BMP6: variants seen among roughly 807,000 people sequenced by gnomAD.
BMP6 encodes VG-1-R.
BMP6 carries 17 observed loss-of-function variants against 54.1 expected under a neutral mutation model. The observed-to-expected ratio is 0.31, with a 90% CI of 0.22 to 0.47. The LOEUF is 0.47. Among genes scored for constraint, BMP6 ranks in the 20% least tolerant of loss-of-function variants. BMP6 has a pLI of 1.00. For synonymous variants in BMP6, 328 were observed against 291.2 expected, an observed-to-expected ratio of 1.13 and a Z score of -1.28; for missense variants, 720 against 690.4, an observed-to-expected ratio of 1.04 and a Z score of -0.48.
At chr6:7,844,716 G>A (rs1193822665) in intron 1 of BMP6, among the ~76,000 whole-genome samples, 3 of 152,102 alleles carry the variant, frequency 2.0e-5, no homozygotes, top group Non-Finnish European at 2.9e-5. Flanking sequence ...AAGAGTAGCC[G>A]GGAGGAGAGG....
At chr6:7,784,407 G>T (rs953679201) in intron 1 of BMP6, among the ~76,000 whole-genome samples, 1 of 147,894 alleles carries the variant, frequency 6.8e-6, no homozygotes, top group Non-Finnish European at 1.5e-5. Context: ...ATGGGTCTGT[G>T]TGTAGGCGTC....
chr6:7,858,842 A>G (rs997700464), intron 2 of BMP6, among the ~76,000 whole-genome samples: 4 of 150,414 alleles, frequency 2.7e-5, no homozygotes, highest in African/African-American at 4.9e-5. Flanking sequence ...CCTCGCTGCC[A>G]TAGGACCACA....
chr6:7,823,012 C>A (rs1758639888), intron 1 of BMP6, among the ~76,000 whole-genome samples: 1 of 151,460 alleles, frequency 6.6e-6, no homozygotes, highest in Non-Finnish European at 1.5e-5. Context: ...TATAGAATTA[C>A]ATATTACAGC....
intron 2 of BMP6, 105 bp from the exon 3 acceptor site, chr6:7,861,346 T>C (rs1441267747): frequency 1.4e-6 from 2 of 1,427,354 alleles, no homozygotes; most frequent in African/African-American, 1.4e-5. Flanking sequence ...CACAGGTAGA[T>C]GTGATCTGAC....
rs551131478 is a variant in BMP6, at chr6:7,731,838, A to T, written c.664+4219A>T. ...TGTAATATGCATTACATTTGAGAGT[A>T]GTAAAAACATTTAATTAAATATCTG... On this transcript the variant is annotated intron_variant, in intron 1 of 6. Coordinates refer to ENST00000283147, the MANE Select transcript of BMP6 (RefSeq NM_001718.6). Among the ~76,000 whole-genome samples, 18 of 152,364 alleles carry T rather than the reference A, an allele frequency of 1.2e-4. No individual in the cohort carries two copies. In the South Asian group the frequency reaches 3.7e-3, roughly 32 times the overall value.
intron 1 of BMP6, among the ~76,000 whole-genome samples, chr6:7,821,420 C>T (rs1392550225): frequency 6.6e-6 from 1 of 152,178 alleles, no homozygotes; most frequent in African/African-American, 2.4e-5. Flanking sequence ...CATGGTTGCT[C>T]ACACCTGTAA....
At chr6:7,747,594 A>G (rs1757366155) in intron 1 of BMP6, among the ~76,000 whole-genome samples, 1 of 152,188 alleles carries the variant, frequency 6.6e-6, no homozygotes, top group African/African-American at 2.4e-5. Context: ...TTCCCTCCAG[A>G]TAGGAGCACA....
At chr6:7,828,405 C>G (rs897646869) in intron 1 of BMP6, among the ~76,000 whole-genome samples, 1 of 152,146 alleles carries the variant, frequency 6.6e-6, no homozygotes, top group African/African-American at 2.4e-5. Context: ...GTTCGTGCAC[C>G]CTGCGGTGGT....
At chr6:7,775,756 C>G (rs562122657) in intron 1 of BMP6, among the ~76,000 whole-genome samples, 4 of 152,246 alleles carry the variant, frequency 2.6e-5, no homozygotes, top group Non-Finnish European at 5.9e-5. Context: ...CAGGTTAGTT[C>G]TTCTTGATTG....
At chr6:7,822,897 T>TTGTGTGTGTGTG (rs56161444) in intron 1 of BMP6, among the ~76,000 whole-genome samples, 44 of 121,348 alleles carry the variant, frequency 3.6e-4, no homozygotes, top group East Asian at 1.7e-3. Flanking sequence ...TTGGTGCTGG[T>TTGTGTGTGTGTG]TGTGTGTGTG....
chr6:7,838,072 C>T (rs1420098184), intron 1 of BMP6, among the ~76,000 whole-genome samples: 1 of 152,126 alleles, frequency 6.6e-6, no homozygotes, highest in Non-Finnish European at 1.5e-5. Flanking sequence ...CCCTTATCCA[C>T]GGTTTCCGTA....
At chr6:7,755,605 G>A (rs981014335) in intron 1 of BMP6, among the ~76,000 whole-genome samples, 2 of 151,946 alleles carry the variant, frequency 1.3e-5, no homozygotes, top group African/African-American at 2.4e-5. Flanking sequence ...AGTCTCTTAC[G>A]TATACCCACC....
At chr6:7,828,789 A>G (rs1248358175) in intron 1 of BMP6, among the ~76,000 whole-genome samples, 1 of 152,168 alleles carries the variant, frequency 6.6e-6, no homozygotes, top group Admixed American at 6.5e-5. Flanking sequence ...CTCACTGGCT[A>G]CCGTTTCGGT....
At chr6:7,816,161 T>A (rs538984714) in intron 1 of BMP6, among the ~76,000 whole-genome samples, 21 of 152,228 alleles carry the variant, frequency 1.4e-4, no homozygotes, top group Non-Finnish European at 2.4e-4. Flanking sequence ...GAGGCTTGTG[T>A]GTGTACTTAC....
chr6:7,833,532 A>T (rs1758823970), intron 1 of BMP6, among the ~76,000 whole-genome samples: 1 of 152,174 alleles, frequency 6.6e-6, no homozygotes, highest in Non-Finnish European at 1.5e-5. Flanking sequence ...TAAGAAACGC[A>T]AGCCTCTTTG....
chr6:7,776,847 C>G (rs963302442), intron 1 of BMP6, among the ~76,000 whole-genome samples: 1 of 152,062 alleles, frequency 6.6e-6, no homozygotes, highest in Non-Finnish European at 1.5e-5. Flanking sequence ...AGCTCTGTAC[C>G]CCAGTTTACC....
chr6:7,761,291 T>G (rs1295079525), intron 1 of BMP6, among the ~76,000 whole-genome samples: 1 of 152,228 alleles, frequency 6.6e-6, no homozygotes, highest in Non-Finnish European at 1.5e-5. Flanking sequence ...TGTTTGACAA[T>G]CAAAACATTA....
chr6:7,726,975 G>A lies in BMP6; in HGVS notation c.20G>A (p.Arg7Lys), dbSNP rs945009915. 1 of 1,136,162 alleles carries A rather than the reference G, an allele frequency of 8.8e-7. No homozygotes were observed. Among genetic ancestry groups the A allele is most frequent in the Non-Finnish European group, 1.1e-6 (1 of 926,924 alleles). 70.4% of individuals were successfully genotyped at this position (1,136,162 alleles called of 1,614,324 possible). MPGLGR[R>K]AQWLCWWWGL... ...GCGGGGATGCCGGGGCTGGGGCGGA[G>A]GGCGCAGTGGCTGTGCTGGTGGTGG... is the stretch of plus-strand genomic sequence containing the variant. The change falls in exon 1 of 7, where the codon AGG (arginine) becomes AAG (lysine). Residue 7 changes from arginine to lysine, a missense_variant. Physicochemically the swap from Arg to Lys is conservative, Grantham distance 26. This residue lies in a region of BMP6 where 650 missense variants were observed against 556.3 expected (regional missense o/e 1.17). Transcript: ENST00000283147.
chr6:7,830,193 C>T (rs1364324799), intron 1 of BMP6, among the ~76,000 whole-genome samples: 4 of 152,182 alleles, frequency 2.6e-5, no homozygotes, highest in African/African-American at 7.2e-5. Context: ...CTCTCATATC[C>T]GTGCTCCTCT....
Sources: gnomAD v4.1 joint callset for allele counts (sites outside exome capture counted in the v4.1 genomes callset) on GRCh38, gnomAD v4.1.1 for gene constraint, gnomAD v4.1.1 regional missense constraint, MANE v1.5 for transcripts, NCBI Gene and HGNC (gene_info 2026-07-23, HGNC 2026-07-21) for gene names.